DYNC1I1: variants seen among roughly 807,000 people sequenced by gnomAD.
DYNC1I1 encodes the protein cytoplasmic dynein 1 intermediate chain 1.
A neutral mutation model predicts 86.6 loss-of-function variants in DYNC1I1; 43 were observed. That is an observed-to-expected ratio of 0.50 (90% CI 0.39 to 0.64). The LOEUF (loss-of-function observed/expected upper bound fraction) is 0.64, where lower values mean the gene tolerates loss of function less well. DYNC1I1 is among the 30% of genes least tolerant of loss of function. The probability of loss-of-function intolerance (pLI) is 0.00; values close to 1 mark genes in which losing one functional copy is unlikely to be tolerated. For missense variants in DYNC1I1, 604 were observed against 788.8 expected (o/e 0.77, Z 2.81); for synonymous variants, 262 against 283.7 (o/e 0.92, Z 0.77).
At position 96,080,348 on chromosome 7, in the gene DYNC1I1, T is replaced by C. The variant is rs931801983; in HGVS notation, c.1651-15T>C. 1.9e-6 allele frequency: 3 copies of C among 1,581,528 alleles called. No individual in the cohort carries two copies. The highest frequency in any genetic ancestry group is 1.7e-6 in the Non-Finnish European group (2 of 1,167,790). On this transcript the variant is annotated splice_polypyrimidine_tract_variant and intron_variant, in intron 15 of 16. Coordinates refer to ENST00000447467, the MANE Select transcript of DYNC1I1 (RefSeq NM_001135556.2). ...ATTCAGAGATTCTTTTATTCTGTTG[T>C]GAACCCTTTGGCAGGTTCCAACAGC...
Position 95,813,237 on chromosome 7 carries a change from CATTATTTAGTCCCAACCCCT to C in DYNC1I1, c.224-7_236del. 6.2e-7 allele frequency: 1 copy of C among 1,612,826 alleles called. No individual in the cohort carries two copies. Among genetic ancestry groups the C allele is most frequent in the Non-Finnish European group, 8.5e-7 (1 of 1,179,454 alleles). The stretch of plus-strand genomic sequence containing the variant: ...TTTAACATGGGATACCTGTTATTTT[CATTATTTAGTCCCAACCCCT>C]ATGTCTCCCTCCTCGAAATCAGTGA... On this transcript the variant is annotated splice_acceptor_variant and splice_polypyrimidine_tract_variant and coding_sequence_variant and intron_variant, in exon 4 of 17. Coordinates refer to ENST00000447467, the MANE Select transcript of DYNC1I1 (RefSeq NM_001135556.2). LOFTEE classifies it high-confidence loss of function.
intron 14 of DYNC1I1, among the ~76,000 whole-genome samples, chr7:96,070,073 T>C (rs534515655): frequency 2.0e-5 from 3 of 152,270 alleles, no homozygotes; most frequent in African/African-American, 7.2e-5. Flanking sequence ...TACACACAGG[T>C]AAAGATATCA....
intron 6 of DYNC1I1, among the ~76,000 whole-genome samples, chr7:95,960,293 G>A (rs140711347): frequency 2.0e-5 from 3 of 152,242 alleles, no homozygotes; most frequent in Non-Finnish European, 4.4e-5. Flanking sequence ...TTTTAGTAGA[G>A]ATGGAGTTTC....
chr7:95,889,174 A>G, intron 6 of DYNC1I1, among the ~76,000 whole-genome samples: 1 of 152,220 alleles, frequency 6.6e-6, no homozygotes, highest in Non-Finnish European at 1.5e-5. Context: ...CAAAGTGTGA[A>G]CATCAGACTT....
Position 96,051,017 on chromosome 7 carries a change from AAAGT to A in DYNC1I1, c.1509+11598_1509+11601del, listed in dbSNP as rs755945874. Among the ~76,000 whole-genome samples the A allele has an allele frequency of 5.3e-4, 80 of 152,316 alleles. 1 individual carries two copies. Among genetic ancestry groups the A allele is most frequent in the Middle Eastern group, 6.8e-3 (2 of 294 alleles). On this transcript the variant is annotated intron_variant, in intron 14 of 16. Coordinates refer to ENST00000447467, the MANE Select transcript of DYNC1I1 (RefSeq NM_001135556.2). ...CATGCTGGAGCTGATGCTCAGAAAT[AAAGT>A]ATGTACTCTTGGCTGGATTAAGACA...
chr7:95,916,084 T>C (rs1791460699), intron 6 of DYNC1I1, among the ~76,000 whole-genome samples: 1 of 152,202 alleles, frequency 6.6e-6, no homozygotes, highest in African/African-American at 2.4e-5. Flanking sequence ...CACTATACCA[T>C]TCTGTCTGAA....
rs77641403 is a variant in DYNC1I1, at chr7:95,904,145, G to C, written c.490+34147G>C. ...ATTTTAGGGTATATGGAGAAGTTTA[G>C]ACTGCCCTAAATCTGGCAACTGCAT... is the stretch of plus-strand genomic sequence containing the variant. On this transcript the variant is annotated intron_variant, in intron 6 of 16. Transcript: ENST00000447467. Among the ~76,000 whole-genome samples the C allele has an allele frequency of 7.8e-3, 1,194 of 152,244 alleles. 17 individuals are homozygous for C. The highest frequency in any genetic ancestry group is 0.028 in the African/African-American group (1,163 of 41,558).
In DYNC1I1 at chr7:95,800,522, C is replaced by T. The variant is rs541300606; in HGVS notation, c.-9-4199C>T. On this transcript the variant is annotated intron_variant, in intron 1 of 16. Transcript: ENST00000447467. ...AGAGTTCTGAATATGGGACTCTGCTCCGAGGATGCTGAGCAGGAGGTGCAA... is the reference window on the plus strand; with the variant it reads ...AGAGTTCTGAATATGGGACTCTGCTTCGAGGATGCTGAGCAGGAGGTGCAA... 3.9e-5 allele frequency among the ~76,000 whole-genome samples: 6 copies of T among 152,198 alleles called. No individual in the cohort carries two copies. In the East Asian group the frequency reaches 1.2e-3, roughly 29 times the overall value.
chr7:95,986,023 C>CGTGTGTGTGTGTGTGTGTGTGTGTGT (rs3138829), intron 8 of DYNC1I1, among the ~76,000 whole-genome samples: 18 of 132,742 alleles, frequency 1.4e-4, no homozygotes, highest in Admixed American at 4.7e-4. Flanking sequence ...CCTGGCAGGA[C>CGTGTGTGTGTGTGTGTGTGTGTGTGT]GTGTGTGTGT....
At chr7:95,907,722 T>G (rs1015260303) in intron 6 of DYNC1I1, among the ~76,000 whole-genome samples, 1 of 151,984 alleles carries the variant, frequency 6.6e-6, no homozygotes. Flanking sequence ...TGGTCCTTGT[T>G]CTCAAGTAGA....
chr7:95,775,784 G>A (rs1487986946), intron 1 of DYNC1I1, among the ~76,000 whole-genome samples: 2 of 152,122 alleles, frequency 1.3e-5, no homozygotes, highest in Non-Finnish European at 2.9e-5. Flanking sequence ...AAATCTTTGT[G>A]GCTTCTGCAT....
At chr7:95,884,483 G>A (rs559539547) in intron 6 of DYNC1I1, among the ~76,000 whole-genome samples, 22 of 151,804 alleles carry the variant, frequency 1.4e-4, no homozygotes, top group East Asian at 1.4e-3. Context: ...GCTCACTGTA[G>A]CCTTCCAGTG....
Position 95,842,209 on chromosome 7 carries a change from A to G in DYNC1I1, c.374+14093A>G, listed in dbSNP as rs540365117. Among the ~76,000 whole-genome samples, 7 of 152,256 alleles carry G rather than the reference A, an allele frequency of 4.6e-5. No individual in the cohort carries two copies. In the South Asian group the frequency reaches 1.5e-3, roughly 32 times the overall value. On this transcript the variant is annotated intron_variant, in intron 5 of 16. Transcript: ENST00000447467. ...GAGTTAGGGAAACGCCACATTTGAGACAAATTAAGAGTCCTTTATTAGCCG... is the reference window on the plus strand; with the variant it reads ...GAGTTAGGGAAACGCCACATTTGAGGCAAATTAAGAGTCCTTTATTAGCCG...
intron 10 of DYNC1I1, among the ~76,000 whole-genome samples, chr7:96,002,238 C>T (rs968031298): frequency 3.3e-5 from 5 of 152,036 alleles, no homozygotes; most frequent in African/African-American, 1.2e-4. Flanking sequence ...TTGCCTAGGC[C>T]CTGTTCACAT....
At chr7:95,976,782 C>T (rs181064899) in intron 6 of DYNC1I1, among the ~76,000 whole-genome samples, 40 of 152,200 alleles carry the variant, frequency 2.6e-4, no homozygotes, top group Non-Finnish European at 5.9e-5. Flanking sequence ...TGCTTTCAAA[C>T]ACTATATAAT....
At chr7:95,795,501 G>A (rs550638384) in intron 1 of DYNC1I1, among the ~76,000 whole-genome samples, 2 of 152,268 alleles carry the variant, frequency 1.3e-5, no homozygotes, top group East Asian at 3.9e-4. Context: ...GCCCATTAAT[G>A]GTAGACTGGA....
intron 6 of DYNC1I1, among the ~76,000 whole-genome samples, chr7:95,968,291 G>A (rs1477464083): frequency 6.6e-6 from 1 of 152,086 alleles, no homozygotes; most frequent in Non-Finnish European, 1.5e-5. Flanking sequence ...TTAATAAAAG[G>A]AATGCTAGAG....
chr7:95,982,932 C>T (rs1442457657), intron 7 of DYNC1I1, among the ~76,000 whole-genome samples: 1 of 152,138 alleles, frequency 6.6e-6, no homozygotes, highest in Non-Finnish European at 1.5e-5. Context: ...ATTGCTACTT[C>T]ATTAGTAATT....
chr7:95,880,546 C>A (rs777490331), intron 6 of DYNC1I1, among the ~76,000 whole-genome samples: 2 of 151,996 alleles, frequency 1.3e-5, no homozygotes, highest in Non-Finnish European at 2.9e-5. Flanking sequence ...CCTGTCAGGT[C>A]CAGCCTTACC....
Sources: gnomAD v4.1 joint callset for allele counts (sites outside exome capture counted in the v4.1 genomes callset) on GRCh38, gnomAD v4.1.1 for gene constraint, MANE v1.5 for transcripts, NCBI Gene and HGNC (gene_info 2026-07-23, HGNC 2026-07-21) for gene names.